CA10: variants seen among roughly 807,000 people sequenced by gnomAD.
CA10 encodes the protein carbonic anhydrase 10 (inactive).
Under a neutral mutation model 44.2 loss-of-function variants are expected in CA10, and 14 were observed. The ratio of observed to expected loss-of-function variants is 0.32; its 90% CI spans 0.21 to 0.50. The LOEUF (loss-of-function observed/expected upper bound fraction) is 0.50, where lower values mean the gene tolerates loss of function less well. Ranked by LOEUF, CA10 falls within the 20% of genes least tolerant of loss-of-function variation. CA10 has a pLI of 0.99. For missense variants in CA10, 350 were observed against 409.7 expected, an observed-to-expected ratio of 0.85 and a Z score of 1.26; for synonymous variants, 159 against 141.6, an observed-to-expected ratio of 1.12 and a Z score of -0.87.
At chr17:52,045,210 T>TA (rs1297437218) in intron 2 of CA10, among the ~76,000 whole-genome samples, 6 of 151,650 alleles carry the variant, frequency 4.0e-5, no homozygotes, top group African/African-American at 9.7e-5. Context: ...TATTATCTAG[T>TA]AAAAACACAT....
chr17:52,127,910 C>G (rs1989154662), intron 1 of CA10, among the ~76,000 whole-genome samples: 1 of 151,518 alleles, frequency 6.6e-6, no homozygotes, highest in African/African-American at 2.4e-5. Flanking sequence ...ATAACAACTA[C>G]CGTTGATTAA....
chr17:52,053,984 G>A (rs1002661033), intron 2 of CA10, among the ~76,000 whole-genome samples: 3 of 152,030 alleles, frequency 2.0e-5, no homozygotes, highest in African/African-American at 7.2e-5. Flanking sequence ...TGTGATGATT[G>A]CATTAACTGC....
intron 3 of CA10, among the ~76,000 whole-genome samples, chr17:51,896,660 A>G (rs1483333888): frequency 1.3e-5 from 2 of 152,068 alleles, no homozygotes; most frequent in Admixed American, 6.6e-5. Context: ...GAAACTGTCA[A>G]ACTGTTTCCA....
At chr17:51,832,262 C>A (rs1165808625) in intron 3 of CA10, among the ~76,000 whole-genome samples, 2 of 152,144 alleles carry the variant, frequency 1.3e-5, no homozygotes, top group Non-Finnish European at 2.9e-5. Flanking sequence ...ACATGATAAG[C>A]AATAACTATT....
intron 1 of CA10, among the ~76,000 whole-genome samples, chr17:52,108,929 G>A (rs1452334695): frequency 6.6e-6 from 1 of 151,692 alleles, no homozygotes; most frequent in African/African-American, 2.4e-5. Context: ...AAATACTGAA[G>A]TACAAACTTT....
intron 3 of CA10, among the ~76,000 whole-genome samples, chr17:51,827,308 T>C (rs951232531): frequency 6.6e-6 from 1 of 151,598 alleles, no homozygotes; most frequent in Admixed American, 6.6e-5. Flanking sequence ...TTGTGCATAC[T>C]ATGCACCACT....
At chr17:52,014,114 G>T (rs1985893942) in intron 2 of CA10, among the ~76,000 whole-genome samples, 1 of 150,940 alleles carries the variant, frequency 6.6e-6, no homozygotes, top group East Asian at 1.9e-4. Flanking sequence ...ATAATATCAG[G>T]TACCATTTAA....
intron 3 of CA10, among the ~76,000 whole-genome samples, chr17:51,841,171 G>A (rs754062926): frequency 6.6e-6 from 1 of 152,108 alleles, no homozygotes; most frequent in Non-Finnish European, 1.5e-5. Flanking sequence ...TCCTACAGCA[G>A]TATGTCCAGA....
intron 2 of CA10, among the ~76,000 whole-genome samples, chr17:51,974,954 G>A (rs1984412925): frequency 6.6e-6 from 1 of 152,122 alleles, no homozygotes; most frequent in Non-Finnish European, 1.5e-5. Flanking sequence ...TTATGTTAAA[G>A]GACGATGGAA....
chr17:51,946,416 T>C (rs1284553279), intron 2 of CA10, among the ~76,000 whole-genome samples: 2 of 152,166 alleles, frequency 1.3e-5, no homozygotes, highest in Non-Finnish European at 2.9e-5. Context: ...TTAAGAACAC[T>C]CAATGGCTCC....
intron 4 of CA10, among the ~76,000 whole-genome samples, chr17:51,712,744 A>C (rs1419390366): frequency 1.3e-5 from 2 of 152,244 alleles, no homozygotes; most frequent in Non-Finnish European, 2.9e-5. Flanking sequence ...AAAGATAGTG[A>C]GTTGCAAATA....
chr17:51,991,715 A>G lies in CA10; in HGVS notation c.137-60583T>C, dbSNP rs191036800. ...TCCCAGTTACTTGGGAGGCTGAGGC[A>G]GGAGAATCACTTGAACCTGGGAGGA... On this transcript the variant is annotated intron_variant, in intron 2 of 8. Coordinates refer to ENST00000451037, the MANE Select transcript of CA10 (RefSeq NM_020178.5). Among the ~76,000 whole-genome samples, 8 of 152,270 alleles carry G rather than the reference A, an allele frequency of 5.3e-5. No individual in the cohort carries two copies. The East Asian group carries it at 1.5e-3, about 29-fold the overall frequency.
chr17:52,087,039 C>T (rs1160713860), intron 1 of CA10, among the ~76,000 whole-genome samples: 1 of 152,206 alleles, frequency 6.6e-6, no homozygotes, highest in Admixed American at 6.5e-5. Context: ...TGCTTTCTTA[C>T]TCACCATTTG....
chr17:52,104,447 G>A (rs948015988), intron 1 of CA10, among the ~76,000 whole-genome samples: 1 of 151,978 alleles, frequency 6.6e-6, no homozygotes, highest in Non-Finnish European at 1.5e-5. Context: ...CAAGCAACCC[G>A]CCTGCCTCAG....
rs1480637933 is a variant in CA10 at position 52,157,526 on chromosome 17, A to ACCC, written c.61+199_61+200insGGG. Among the ~76,000 whole-genome samples, 830 of 111,314 alleles carry ACCC rather than the reference A, an allele frequency of 7.5e-3. 1 individual carries two copies. Among genetic ancestry groups the ACCC allele is most frequent in the African/African-American group, 0.022 (550 of 25,468 alleles). The allele number at this position is 111,314 out of a possible 152,430, so 73.0% of individuals were successfully genotyped here. On this transcript the variant is annotated intron_variant, in intron 1 of 8. Coordinates refer to ENST00000451037, the MANE Select transcript of CA10 (RefSeq NM_020178.5). ...CTTCTAGGACTGCACACAGATCCTAACCACCCCCCCCCGCAAAACACACAC... is the reference window on the plus strand; with the variant it reads ...CTTCTAGGACTGCACACAGATCCTAACCCCCACCCCCCCCCGCAAAACACACAC...
At chr17:51,867,679 G>A (rs1979612932) in intron 3 of CA10, among the ~76,000 whole-genome samples, 1 of 152,166 alleles carries the variant, frequency 6.6e-6, no homozygotes, top group African/African-American at 2.4e-5. Context: ...CCAGTTCCTG[G>A]AAGGCAACCA....
chr17:52,116,115 C>T (rs534205565), intron 1 of CA10, among the ~76,000 whole-genome samples: 57 of 152,192 alleles, frequency 3.7e-4, no homozygotes, highest in Admixed American at 7.8e-4. Context: ...AGTTTCTCTC[C>T]CTGTTGGAGA....
chr17:51,804,021 C>T (rs562295938), intron 3 of CA10, among the ~76,000 whole-genome samples: 1 of 152,262 alleles, frequency 6.6e-6, no homozygotes, highest in African/African-American at 2.4e-5. Context: ...ACCTCTCTAT[C>T]CCCCAGTTTC....
At chr17:51,851,770 C>G (rs1383125949) in intron 3 of CA10, among the ~76,000 whole-genome samples, 3 of 152,136 alleles carry the variant, frequency 2.0e-5, no homozygotes, top group South Asian at 2.1e-4. Context: ...CAGATAAAAT[C>G]CCTAGTCTCT....
Sources: allele counts gnomAD v4.1 joint callset (sites outside exome capture counted in the v4.1 genomes callset), GRCh38; gene constraint gnomAD v4.1.1; transcripts MANE v1.5; gene names NCBI Gene and HGNC (gene_info 2026-07-23, HGNC 2026-07-21).